GRIA4: variants seen among roughly 807,000 people sequenced by gnomAD.
GRIA4 encodes the protein glutamate ionotropic receptor AMPA type subunit 4, also known as glutamate receptor 4.
A neutral mutation model predicts 104.0 loss-of-function variants in GRIA4; 34 were observed. The ratio of observed to expected loss-of-function variants is 0.33; its 90% CI spans 0.25 to 0.44. The LOEUF (loss-of-function observed/expected upper bound fraction) is 0.44, where lower values mean the gene tolerates loss of function less well. Among genes scored for constraint, GRIA4 ranks in the 20% least tolerant of loss-of-function variants. The pLI is 1.00. For synonymous variants in GRIA4, 386 were observed against 381.9 expected, an observed-to-expected ratio of 1.01 and a Z score of -0.13; for missense variants, 750 against 1,096.5, an observed-to-expected ratio of 0.68 and a Z score of 4.46.
chr11:105,843,318 C>T (rs890419828), intron 4 of GRIA4, among the ~76,000 whole-genome samples: 5 of 152,162 alleles, frequency 3.3e-5, no homozygotes, highest in African/African-American at 1.2e-4. Context: ...CAAATCTACA[C>T]TTTATGTTGT....
At chr11:105,931,528 C>T (rs1947874384) in intron 13 of GRIA4, among the ~76,000 whole-genome samples, 1 of 151,814 alleles carries the variant, frequency 6.6e-6, no homozygotes, top group Non-Finnish European at 1.5e-5. Flanking sequence ...CATGATGAAA[C>T]CCCGTCTCTA....
rs758508862 is a variant in GRIA4 at position 105,728,837 on chromosome 11, G to A, written c.248-24144G>A. On this transcript the variant is annotated intron_variant, in intron 3 of 16. Coordinates refer to ENST00000282499, the MANE Select transcript of GRIA4 (RefSeq NM_000829.4). ...AAGACACAACATACCAAAATCTCTGGGACACAGCTAAAGCAGTGTTTAGAG... is the reference window on the plus strand; with the variant it reads ...AAGACACAACATACCAAAATCTCTGAGACACAGCTAAAGCAGTGTTTAGAG... 7.5e-4 allele frequency among the ~76,000 whole-genome samples: 114 copies of A among 152,020 alleles called. 1 individual carries two copies. The highest frequency in any genetic ancestry group is 2.2e-4 in the Non-Finnish European group (15 of 68,004).
chr11:105,683,430 G>A (rs1312070348), intron 3 of GRIA4, among the ~76,000 whole-genome samples: 1 of 151,966 alleles, frequency 6.6e-6, no homozygotes, highest in Non-Finnish European at 1.5e-5. Flanking sequence ...ATTACAATTA[G>A]AGCTGAGCTT....
chr11:105,969,383 C>T (rs980549433), intron 14 of GRIA4, among the ~76,000 whole-genome samples: 6 of 152,102 alleles, frequency 3.9e-5, no homozygotes, highest in South Asian at 2.1e-4. Flanking sequence ...TCTGATAGTC[C>T]ACCAGTTGAA....
At chr11:105,972,571 C>T (rs1357891548) in intron 15 of GRIA4, among the ~76,000 whole-genome samples, 4 of 152,012 alleles carry the variant, frequency 2.6e-5, no homozygotes, top group Non-Finnish European at 5.9e-5. Flanking sequence ...ATTCTACTTG[C>T]CCAATTGAAA....
intron 4 of GRIA4, among the ~76,000 whole-genome samples, chr11:105,771,363 C>T (rs1207172103): frequency 6.6e-6 from 1 of 152,030 alleles, no homozygotes; most frequent in Admixed American, 6.6e-5. Context: ...TGACCGTAGA[C>T]ATAAGTATTC....
intron 14 of GRIA4, among the ~76,000 whole-genome samples, chr11:105,947,359 C>T (rs1410443112): frequency 6.6e-6 from 1 of 152,154 alleles, no homozygotes; most frequent in Non-Finnish European, 1.5e-5. Context: ...TCCACTGAAG[C>T]AGTCATACAA....
intron 3 of GRIA4, among the ~76,000 whole-genome samples, chr11:105,688,161 T>TCTAA (rs1491126329): frequency 7.0e-6 from 1 of 142,046 alleles, no homozygotes; most frequent in Non-Finnish European, 1.5e-5. Flanking sequence ...TATATCTCTA[T>TCTAA]CTATCTATCT....
At chr11:105,860,250 A>G (rs1482239728) in intron 4 of GRIA4, among the ~76,000 whole-genome samples, 1 of 152,180 alleles carries the variant, frequency 6.6e-6, no homozygotes, top group East Asian at 1.9e-4. Context: ...CATCAGTTCC[A>G]TCTGTTGATC....
chr11:105,785,800 T>C (rs1341083923), intron 4 of GRIA4, among the ~76,000 whole-genome samples: 2 of 152,134 alleles, frequency 1.3e-5, no homozygotes, highest in African/African-American at 4.8e-5. Context: ...TCTGTATAAA[T>C]TGTCGATAAT....
intron 14 of GRIA4, among the ~76,000 whole-genome samples, chr11:105,967,232 T>G (rs1285069709): frequency 6.6e-6 from 1 of 152,192 alleles, no homozygotes; most frequent in East Asian, 1.9e-4. Flanking sequence ...CAGATAAAAT[T>G]TTCCACAAAT....
intron 4 of GRIA4, among the ~76,000 whole-genome samples, chr11:105,760,024 C>A (rs1418299303): frequency 6.6e-6 from 1 of 152,028 alleles, no homozygotes. Context: ...ATAACAATGA[C>A]TTCAAAATCT....
rs748717959 is a variant in GRIA4 at position 105,918,790 on chromosome 11, T to C, written c.1348T>C (p.Leu450=). The C allele has an allele frequency of 1.7e-5, 27 of 1,596,346 alleles. No individual in the cohort carries two copies. The highest frequency in any genetic ancestry group is 3.3e-4 in the Middle Eastern group (2 of 6,028). Residue 450 remains leucine, a synonymous_variant, in exon 11 of 17, where the codon TTG becomes CTG. Transcript: ENST00000282499. The part of the protein sequence containing the change: ...NDKYEGYCVD[L]ASEIAKHIGI... ...CAAGTATGAAGGATACTGTGTAGATTTGGCATCTGAAATTGCAAAACATAT... is the reference window on the plus strand; with the variant it reads ...CAAGTATGAAGGATACTGTGTAGATCTGGCATCTGAAATTGCAAAACATAT...
chr11:105,627,036 A>G (rs916294398), intron 3 of GRIA4, among the ~76,000 whole-genome samples: 1 of 152,192 alleles, frequency 6.6e-6, no homozygotes, highest in East Asian at 1.9e-4. Context: ...TAAATGAATG[A>G]TACAGGAAAA....
chr11:105,926,716 TG>T (rs1947718730), intron 12 of GRIA4, 24 bp from the exon 13 acceptor site: 1 of 1,442,498 alleles, frequency 6.9e-7, no homozygotes, highest in South Asian at 1.1e-5. Flanking sequence ...GAAAGGAAAA[TG>T]TGCATTATTT....
chr11:105,948,928 C>G (rs1245516508), intron 14 of GRIA4, among the ~76,000 whole-genome samples: 2 of 152,054 alleles, frequency 1.3e-5, no homozygotes, highest in Non-Finnish European at 2.9e-5. Flanking sequence ...GTTTTCTTGG[C>G]TAAACTTGAA....
intron 6 of GRIA4, among the ~76,000 whole-genome samples, 183 bp from the exon 7 acceptor site, chr11:105,898,086 G>A (rs1170443562): frequency 2.0e-5 from 3 of 152,042 alleles, no homozygotes; most frequent in Admixed American, 6.5e-5. Context: ...TTGAATTACA[G>A]AATTTAACAG....
chr11:105,758,089 T>C (rs1422701172), intron 4 of GRIA4, among the ~76,000 whole-genome samples: 1 of 151,914 alleles, frequency 6.6e-6, no homozygotes, highest in Non-Finnish European at 1.5e-5. Context: ...ACAAACAATA[T>C]AAAAACTAGC....
intron 4 of GRIA4, among the ~76,000 whole-genome samples, chr11:105,779,711 C>A (rs538199451): frequency 6.6e-6 from 1 of 152,022 alleles, no homozygotes; most frequent in Non-Finnish European, 1.5e-5. Context: ...CCAAGTCAAT[C>A]CTAAGTCAAA....
Sources: gnomAD v4.1 joint callset for allele counts (sites outside exome capture counted in the v4.1 genomes callset) on GRCh38, gnomAD v4.1.1 for gene constraint, MANE v1.5 for transcripts, NCBI Gene and HGNC (gene_info 2026-07-23, HGNC 2026-07-21) for gene names.